BTRC: variants seen among roughly 807,000 people sequenced by gnomAD.
The protein encoded by BTRC is beta-transducin repeat containing E3 ubiquitin protein ligase.
In BTRC, 42 loss-of-function variants were observed where a neutral mutation model predicts 85.5. The observed-to-expected ratio is 0.49, with a 90% confidence interval of 0.38 to 0.64. The LOEUF (loss-of-function observed/expected upper bound fraction) is 0.64, where lower values mean the gene tolerates loss of function less well. BTRC is among the 30% of genes least tolerant of loss of function. The pLI, the probability that BTRC is intolerant of heterozygous loss-of-function variation, is 0.00. For missense variants in BTRC, 594 were observed against 743.5 expected, an observed-to-expected ratio of 0.80 and a Z score of 2.34; for synonymous variants, 255 against 263.3, an observed-to-expected ratio of 0.97 and a Z score of 0.30.
At chr10:101,551,622 C>T (rs192136983) in intron 14 of BTRC, among the ~76,000 whole-genome samples, 36 of 152,200 alleles carry the variant, frequency 2.4e-4, no homozygotes, top group Non-Finnish European at 4.9e-4. Context: ...TGCTGAGGAG[C>T]GTTGCTGTCA....
intron 6 of BTRC, among the ~76,000 whole-genome samples, chr10:101,527,788 TCTCA>T (rs1310414107): frequency 8.1e-6 from 1 of 123,922 alleles, no homozygotes; most frequent in Non-Finnish European, 1.7e-5. Context: ...TCTCTCTCTC[TCTCA>T]CATACACACA....
intron 1 of BTRC, among the ~76,000 whole-genome samples, chr10:101,409,668 A>G (rs1943723693): frequency 1.3e-5 from 2 of 152,204 alleles, no homozygotes; most frequent in South Asian, 4.1e-4. Context: ...TTGTGTATCT[A>G]AACATACTTA....
intron 3 of BTRC, among the ~76,000 whole-genome samples, chr10:101,467,405 A>C (rs763993265): frequency 6.6e-6 from 1 of 151,270 alleles, no homozygotes; most frequent in African/African-American, 2.4e-5. Context: ...AGGTACACAC[A>C]GCCAAGGGAG....
At chr10:101,540,433 G>A (rs568286682) in intron 13 of BTRC, among the ~76,000 whole-genome samples, 6 of 152,272 alleles carry the variant, frequency 3.9e-5, no homozygotes, top group African/African-American at 7.2e-5. Context: ...GACCATATAT[G>A]TGTGAGTCTT....
At chr10:101,397,709 T>G (rs11190991) in intron 1 of BTRC, among the ~76,000 whole-genome samples, 4,121 of 152,298 alleles carry the variant, frequency 0.027, 193 homozygotes, top group African/African-American at 0.091. Flanking sequence ...CAGTGCTTAA[T>G]TTTCATTTTT....
At chr10:101,487,758 T>C (rs1589538133) in intron 4 of BTRC, among the ~76,000 whole-genome samples, 1 of 152,248 alleles carries the variant, frequency 6.6e-6, no homozygotes, top group Non-Finnish European at 1.5e-5. Flanking sequence ...TGTTCTGTGA[T>C]CAACCTTTTA....
intron 1 of BTRC, among the ~76,000 whole-genome samples, chr10:101,355,923 G>A (rs1352693287): frequency 2.0e-5 from 3 of 152,156 alleles, no homozygotes; most frequent in Non-Finnish European, 1.5e-5. Flanking sequence ...AAGAGACCTT[G>A]AACTTTTACT....
At chr10:101,422,322 G>GT (rs578014476) in intron 1 of BTRC, among the ~76,000 whole-genome samples, 3,599 of 152,154 alleles carry the variant, frequency 0.024, 58 homozygotes, top group Non-Finnish European at 0.036. Flanking sequence ...GGGGTTGTTT[G>GT]TTTTTTTCTT....
chr10:101,414,614 C>G (rs1193928332), intron 1 of BTRC: 2 of 515,680 alleles, frequency 3.9e-6, no homozygotes, highest in Admixed American at 3.9e-5. Flanking sequence ...GCATTGATGT[C>G]ATAGGAGATG....
At chr10:101,536,036 C>T (rs1381169392) in intron 11 of BTRC, among the ~76,000 whole-genome samples, 3 of 152,196 alleles carry the variant, frequency 2.0e-5, no homozygotes, top group South Asian at 2.1e-4. Flanking sequence ...GCTCTGAAAA[C>T]GTACAGTTTT....
chr10:101,528,592 A>C (rs1479056097), intron 6 of BTRC, among the ~76,000 whole-genome samples: 3 of 152,148 alleles, frequency 2.0e-5, no homozygotes, highest in Non-Finnish European at 4.4e-5. Flanking sequence ...TGAAATTCCA[A>C]ATACTTATAC....
chr10:101,490,861 C>T (rs1429600302), intron 4 of BTRC, among the ~76,000 whole-genome samples: 1 of 152,038 alleles, frequency 6.6e-6, no homozygotes, highest in Non-Finnish European at 1.5e-5. Context: ...GAGTTCAAGG[C>T]CAGCCTGGCC....
chr10:101,357,850 A>G (rs971682875), intron 1 of BTRC, among the ~76,000 whole-genome samples: 1 of 152,240 alleles, frequency 6.6e-6, no homozygotes, highest in African/African-American at 2.4e-5. Context: ...TTTAACTTTT[A>G]AAAACAAATA....
At chr10:101,442,889 C>CTTTTT (rs755689728) in intron 2 of BTRC, among the ~76,000 whole-genome samples, 8 of 122,380 alleles carry the variant, frequency 6.5e-5, no homozygotes, top group Non-Finnish European at 1.2e-4. Context: ...CTCACTTGCT[C>CTTTTT]TTTTTTTTTT....
At chr10:101,473,837 A>G (rs1237472578) in intron 3 of BTRC, among the ~76,000 whole-genome samples, 3 of 152,100 alleles carry the variant, frequency 2.0e-5, no homozygotes, top group South Asian at 2.1e-4. Context: ...AGCTCAAGCT[A>G]TCCTCCTGCC....
At chr10:101,428,420 G>A (rs926611601) in intron 1 of BTRC, among the ~76,000 whole-genome samples, 16 of 152,202 alleles carry the variant, frequency 1.1e-4, no homozygotes, top group African/African-American at 3.6e-4. Context: ...AAAATGGATC[G>A]TAGCTTGAGG....
chr10:101,509,553 CTTTT>C (rs747841828), intron 4 of BTRC, among the ~76,000 whole-genome samples: 1 of 129,368 alleles, frequency 7.7e-6, no homozygotes. Context: ...CGCGCCCAGC[CTTTT>C]TTTTTTTTTT....
intron 13 of BTRC, among the ~76,000 whole-genome samples, chr10:101,550,234 A>T (rs774234270): frequency 6.6e-6 from 1 of 151,918 alleles, no homozygotes; most frequent in African/African-American, 2.4e-5. Flanking sequence ...TGACTTTTCC[A>T]TGCTGCCTTT....
At chr10:101,373,332 A>C (rs989773302) in intron 1 of BTRC, among the ~76,000 whole-genome samples, 1 of 152,234 alleles carries the variant, frequency 6.6e-6, no homozygotes, top group South Asian at 2.1e-4. Flanking sequence ...CATTTAAAGT[A>C]TGTAATAGTC....
Sources: allele counts gnomAD v4.1 joint callset (sites outside exome capture counted in the v4.1 genomes callset), GRCh38; gene constraint gnomAD v4.1.1; transcripts MANE v1.5; gene names NCBI Gene and HGNC (gene_info 2026-07-23, HGNC 2026-07-21).